Variants in FOXN3 observed in about 807,000 individuals in gnomAD.
FOXN3 encodes forkhead box protein N3.
Under a neutral mutation model 38.4 loss-of-function variants are expected in FOXN3, and 7 were observed. The observed-to-expected ratio is 0.18, with a 90% CI of 0.10 to 0.34. The LOEUF is 0.34. FOXN3 is among the 10% of genes least tolerant of loss of function. The pLI is 1.00. For missense variants in FOXN3, 456 were observed against 613.4 expected, an observed-to-expected ratio of 0.74 and a Z score of 2.71; for synonymous variants, 230 against 242.2, an observed-to-expected ratio of 0.95 and a Z score of 0.47.
chr14:89,190,597 T>G, intron 4 of FOXN3: 1 of 595,262 alleles, frequency 1.7e-6, no homozygotes, highest in Admixed American at 3.1e-5. Flanking sequence ...GCGACTTTCT[T>G]CCCAGTGGGA....
rs1242924561 is a variant in FOXN3 at position 89,484,042 on chromosome 14, C to T, written c.-14-71552G>A. On this transcript the variant is annotated intron_variant, in intron 1 of 6. Transcript: ENST00000345097. The surrounding 1 kb of genome is among the most constrained non-coding windows in gnomAD (Gnocchi z 4.0). Reference sequence around the variant, plus strand: ...GTTAATCCAAGAAGTCTGGATGCTTCATCTTACAGACAACCCTAAGACGAA... The same window carrying T: ...GTTAATCCAAGAAGTCTGGATGCTTTATCTTACAGACAACCCTAAGACGAA... 6.6e-6 allele frequency among the ~76,000 whole-genome samples: 1 copy of T among 152,220 alleles called. No individual in the cohort carries two copies. The highest frequency in any genetic ancestry group is 1.9e-4 in the East Asian group (1 of 5,202).
rs149532498 is a variant in FOXN3 at position 89,467,143 on chromosome 14, C to T, written c.-14-54653G>A. The stretch of plus-strand genomic sequence containing the variant: ...AGCTGCACATCACACCCCCTTCTCA[C>T]GGTGGCTCTCCACCCAGACTCAGAC... On this transcript the variant is annotated intron_variant, in intron 1 of 6. Transcript: ENST00000345097. Among the ~76,000 whole-genome samples, 6 of 152,304 alleles carry T rather than the reference C, an allele frequency of 3.9e-5. No homozygotes were observed. The East Asian group carries it at 5.8e-4, about 15-fold the overall frequency.
intron 1 of FOXN3, among the ~76,000 whole-genome samples, chr14:89,554,664 C>T (rs1895076572): frequency 1.3e-5 from 2 of 149,376 alleles, no homozygotes; most frequent in Non-Finnish European, 3.0e-5. Context: ...AAAGAACAAA[C>T]AAGAAACAAC....
intron 4 of FOXN3, among the ~76,000 whole-genome samples, chr14:89,201,572 A>G (rs1888235158): frequency 6.6e-6 from 1 of 152,164 alleles, no homozygotes; most frequent in Non-Finnish European, 1.5e-5. Context: ...AGGATGTGCC[A>G]CGGCCAGAAG....
intron 1 of FOXN3, among the ~76,000 whole-genome samples, chr14:89,510,835 T>C (rs1204782315): frequency 1.3e-5 from 2 of 151,990 alleles, no homozygotes; most frequent in Non-Finnish European, 2.9e-5. Flanking sequence ...CCCAGCTACT[T>C]TAGTGGCTGA....
chr14:89,386,983 A>T (rs1473750989), intron 2 of FOXN3, among the ~76,000 whole-genome samples: 1 of 152,158 alleles, frequency 6.6e-6, no homozygotes, highest in African/African-American at 2.4e-5. Flanking sequence ...GGTGCCAGGC[A>T]TGGTGGCTCA....
At chr14:89,555,948 T>C (rs1354432746) in intron 1 of FOXN3, among the ~76,000 whole-genome samples, 1 of 150,562 alleles carries the variant, frequency 6.6e-6, no homozygotes, top group Non-Finnish European at 1.5e-5. Flanking sequence ...AAAATGCCTC[T>C]TAGATTGTAG....
chr14:89,364,157 G>C (rs1383679035), intron 2 of FOXN3, among the ~76,000 whole-genome samples: 3 of 150,236 alleles, frequency 2.0e-5, no homozygotes, highest in Non-Finnish European at 4.4e-5. Context: ...GGGAAGAAGA[G>C]AGGCAAAAAG....
At chr14:89,240,390 C>A (rs1455465505) in intron 4 of FOXN3, among the ~76,000 whole-genome samples, 1 of 152,122 alleles carries the variant, frequency 6.6e-6, no homozygotes, top group Non-Finnish European at 1.5e-5. Flanking sequence ...TCACTTTTAA[C>A]CAATAGTGAA....
At chr14:89,446,354 A>G (rs1271116931) in intron 1 of FOXN3, among the ~76,000 whole-genome samples, 1 of 151,418 alleles carries the variant, frequency 6.6e-6, no homozygotes, top group African/African-American at 2.4e-5. Flanking sequence ...ACGCTCGGCT[A>G]ATTTTTGTGT....
chr14:89,279,449 G>T (rs1160043499), intron 4 of FOXN3, among the ~76,000 whole-genome samples: 1 of 152,070 alleles, frequency 6.6e-6, no homozygotes, highest in Non-Finnish European at 1.5e-5. Context: ...GTGAGAAAAG[G>T]CTCTAAGAAA....
At chr14:89,286,781 A>C (rs962798891) in intron 3 of FOXN3, among the ~76,000 whole-genome samples, 2 of 152,204 alleles carry the variant, frequency 1.3e-5, no homozygotes, top group African/African-American at 4.8e-5. Flanking sequence ...CAACCAGAGC[A>C]GGCTGGACAG....
At chr14:89,260,579 T>A (rs1353668203) in intron 4 of FOXN3, among the ~76,000 whole-genome samples, 1 of 152,240 alleles carries the variant, frequency 6.6e-6, no homozygotes, top group Non-Finnish European at 1.5e-5. Flanking sequence ...ATGGGCCTGA[T>A]GGCCGACTTG....
intron 4 of FOXN3, among the ~76,000 whole-genome samples, chr14:89,213,409 TTC>T (rs1884162792): frequency 6.6e-6 from 1 of 152,220 alleles, no homozygotes; most frequent in African/African-American, 2.4e-5. Context: ...TGTACCATAT[TTC>T]TCTTTTTGCC....
At chr14:89,427,736 GA>G (rs1347559637) in intron 1 of FOXN3, among the ~76,000 whole-genome samples, 2 of 151,976 alleles carry the variant, frequency 1.3e-5, no homozygotes, top group African/African-American at 4.8e-5. Flanking sequence ...ACTAGATACT[GA>G]ACGTCACCAA....
At chr14:89,336,216 C>CTCCATCCATCCATCCATCCATCCA (rs71130057) in intron 3 of FOXN3, among the ~76,000 whole-genome samples, 2,119 of 143,124 alleles carry the variant, frequency 0.015, 38 homozygotes, top group East Asian at 0.043. Flanking sequence ...CTAACGGTGC[C>CTCCATCCATCCATCCATCCATCCA]TCCATCCATC....
At chr14:89,325,760 A>T (rs11844345) in intron 3 of FOXN3, among the ~76,000 whole-genome samples, 52,984 of 152,062 alleles carry the variant, frequency 0.35, 10,338 homozygotes, top group African/African-American at 0.54. Context: ...GAGCTAGTGA[A>T]GTGGCAGGTA....
At chr14:89,450,474 C>A (rs1892592170) in intron 1 of FOXN3, among the ~76,000 whole-genome samples, 1 of 152,176 alleles carries the variant, frequency 6.6e-6, no homozygotes, top group Non-Finnish European at 1.5e-5. Flanking sequence ...GCATGTTAAA[C>A]ACCATGATGG....
At chr14:89,373,829 CTAAAAAT>C (rs1890393545) in intron 2 of FOXN3, among the ~76,000 whole-genome samples, 1 of 151,960 alleles carries the variant, frequency 6.6e-6, no homozygotes, top group African/African-American at 2.4e-5. Flanking sequence ...ACTATTCAAA[CTAAAAAT>C]TAAGTCAAAG....
Sources: gnomAD v4.1 joint callset for allele counts (sites outside exome capture counted in the v4.1 genomes callset) on GRCh38, gnomAD v4.1.1 for gene constraint, Gnocchi (gnomAD v3.1) non-coding constraint, MANE v1.5 for transcripts, NCBI Gene and HGNC (gene_info 2026-07-23, HGNC 2026-07-21) for gene names.